The following LDLRAD4 variants were observed in gnomAD, a reference collection of about 807,000 sequenced individuals.
LDLRAD4 encodes the protein low-density lipoprotein receptor class A domain-containing protein 4.
LDLRAD4 carries 5 observed loss-of-function variants against 17.0 expected under a neutral mutation model. The observed-to-expected ratio is 0.29, with a 90% CI of 0.15 to 0.62. The LOEUF (loss-of-function observed/expected upper bound fraction) is 0.62, where lower values mean the gene tolerates loss of function less well. LDLRAD4 is among the 20% of genes least tolerant of loss of function. The pLI is 0.84. For synonymous variants in LDLRAD4, 168 were observed against 171.8 expected (o/e 0.98, Z 0.17); for missense variants, 340 against 424.7 (o/e 0.80, Z 1.75).
intron 1 of LDLRAD4, among the ~76,000 whole-genome samples, chr18:13,315,323 T>A (rs2080871842): frequency 6.6e-6 from 1 of 152,100 alleles, no homozygotes; most frequent in African/African-American, 2.4e-5. Flanking sequence ...AGTGTTTGGT[T>A]TTCAATAAAA....
intron 2 of LDLRAD4, among the ~76,000 whole-genome samples, chr18:13,411,109 G>A (rs985876936): frequency 5.3e-5 from 8 of 152,114 alleles, no homozygotes; most frequent in African/African-American, 1.9e-4. Context: ...ACATTTAGCT[G>A]GGTGTTGTGG....
At chr18:13,453,361 C>T (rs1191228567) in intron 3 of LDLRAD4, among the ~76,000 whole-genome samples, 5 of 152,146 alleles carry the variant, frequency 3.3e-5, no homozygotes, top group Admixed American at 3.3e-4. Flanking sequence ...TTGTTTGTGT[C>T]ATACATGACA....
intron 3 of LDLRAD4, among the ~76,000 whole-genome samples, chr18:13,551,799 A>G (rs2094437805): frequency 6.6e-6 from 1 of 152,110 alleles, no homozygotes; most frequent in Admixed American, 6.5e-5. Flanking sequence ...ACAAAGGAAT[A>G]CCTGAGGTTG....
At chr18:13,611,932 C>CCGCAGCCTGGCT in intron 3 of LDLRAD4, 2 of 985,398 alleles carry the variant, frequency 2.0e-6, no homozygotes, top group South Asian at 9.4e-5. Context: ...AGAGGACAGC[C>CCGCAGCCTGGCT]CGCAGCCTGG....
chr18:13,563,208 C>A (rs1279790897), intron 3 of LDLRAD4, among the ~76,000 whole-genome samples: 1 of 152,162 alleles, frequency 6.6e-6, no homozygotes, highest in African/African-American at 2.4e-5. Context: ...ACTAATTATG[C>A]CTGTAGAGAA....
chr18:13,595,226 G>C (rs142128194), intron 3 of LDLRAD4, among the ~76,000 whole-genome samples: 107 of 151,890 alleles, frequency 7.0e-4, no homozygotes, highest in African/African-American at 1.8e-3. Flanking sequence ...TTTTGTTACT[G>C]TAATCTTTGT....
At chr18:13,337,555 A>G (rs900400657) in intron 1 of LDLRAD4, among the ~76,000 whole-genome samples, 1 of 152,136 alleles carries the variant, frequency 6.6e-6, no homozygotes. Context: ...AGGTTAAGCA[A>G]CTTGATCAGT....
intron 1 of LDLRAD4, among the ~76,000 whole-genome samples, chr18:13,349,496 T>TC (rs2082913686): frequency 6.6e-6 from 1 of 152,224 alleles, no homozygotes; most frequent in East Asian, 1.9e-4. Context: ...TCCACGAGGC[T>TC]CCAAGTTACT....
At position 13,385,701 on chromosome 18, in the gene LDLRAD4, T is replaced by A. The variant is rs2085746889; in HGVS notation, c.-382-1640T>A. Among the ~76,000 whole-genome samples, 4 of 152,340 alleles carry A rather than the reference T, an allele frequency of 2.6e-5. No individual in the cohort carries two copies. The South Asian group carries it at 8.3e-4, about 32-fold the overall frequency. On this transcript the variant is annotated intron_variant, in intron 1 of 5. Transcript: ENST00000359446. Reference sequence around the variant, plus strand: ...TCTGTTTTTATCTGGCAGGATAAATTCCATTTCCCAAAGTTCATGATGCTA... The same window carrying A: ...TCTGTTTTTATCTGGCAGGATAAATACCATTTCCCAAAGTTCATGATGCTA...
intron 3 of LDLRAD4, among the ~76,000 whole-genome samples, chr18:13,592,963 A>G (rs1437995533): frequency 6.6e-6 from 1 of 152,224 alleles, no homozygotes; most frequent in Non-Finnish European, 1.5e-5. Flanking sequence ...GTGTATTCTT[A>G]AATTTACAAA....
chr18:13,474,519 A>G (rs1452212116), intron 3 of LDLRAD4, among the ~76,000 whole-genome samples: 1 of 152,238 alleles, frequency 6.6e-6, no homozygotes, highest in Non-Finnish European at 1.5e-5. Flanking sequence ...TGGTGTGGCC[A>G]GTGCAGCAGT....
intron 4 of LDLRAD4, among the ~76,000 whole-genome samples, chr18:13,634,081 T>C (rs866787349): frequency 6.6e-6 from 1 of 152,372 alleles, no homozygotes; most frequent in Middle Eastern, 3.4e-3. Context: ...AGGCTATCTA[T>C]GAAAAGCCCA....
chr18:13,268,914 C>T (rs185328166), intron 1 of LDLRAD4, among the ~76,000 whole-genome samples: 4 of 152,304 alleles, frequency 2.6e-5, no homozygotes, highest in East Asian at 3.9e-4. Flanking sequence ...TGACATTATT[C>T]GCCAACAATT....
At chr18:13,471,897 C>T (rs1010230541) in intron 3 of LDLRAD4, 20 of 152,290 alleles carry the variant, frequency 1.3e-4, no homozygotes, top group African/African-American at 4.6e-4. Flanking sequence ...AAGCATTTAC[C>T]GCATAATTAA....
At chr18:13,587,568 T>A (rs2094952572) in intron 3 of LDLRAD4, among the ~76,000 whole-genome samples, 1 of 152,186 alleles carries the variant, frequency 6.6e-6, no homozygotes, top group Non-Finnish European at 1.5e-5. Flanking sequence ...TTAGACAATT[T>A]CAATTACTTG....
chr18:13,508,211 GA>G (rs1175818368), intron 3 of LDLRAD4, among the ~76,000 whole-genome samples: 1 of 152,206 alleles, frequency 6.6e-6, no homozygotes, highest in Non-Finnish European at 1.5e-5. Flanking sequence ...AGCTGCAGGA[GA>G]AAAGTTGGAA....
At chr18:13,563,938 C>G (rs907841824) in intron 3 of LDLRAD4, among the ~76,000 whole-genome samples, 10 of 152,176 alleles carry the variant, frequency 6.6e-5, no homozygotes, top group Non-Finnish European at 7.4e-5. Flanking sequence ...CTCTCTCTCT[C>G]TCTCTCACCT....
At chr18:13,362,398 T>G (rs1195829475) in intron 1 of LDLRAD4, 4 of 152,198 alleles carry the variant, frequency 2.6e-5, no homozygotes, top group African/African-American at 9.7e-5. Flanking sequence ...GGAATATGTC[T>G]CTACACGCCA....
chr18:13,601,446 G>A (rs1322415025), intron 3 of LDLRAD4, among the ~76,000 whole-genome samples: 1 of 152,028 alleles, frequency 6.6e-6, no homozygotes, highest in Non-Finnish European at 1.5e-5. Context: ...AGTCAAAACA[G>A]CTATTATTAA....
Sources: allele counts gnomAD v4.1 joint callset (sites outside exome capture counted in the v4.1 genomes callset), GRCh38; gene constraint gnomAD v4.1.1; transcripts MANE v1.5; gene names NCBI Gene and HGNC (gene_info 2026-07-23, HGNC 2026-07-21).